Variants in MAST2 observed in about 807,000 individuals in gnomAD.
MAST2 encodes the protein microtubule-associated serine/threonine-protein kinase 2.
In MAST2, 70 loss-of-function variants were observed where a neutral mutation model predicts 147.4. That is an observed-to-expected ratio of 0.47 (90% CI 0.39 to 0.58). MAST2 has a LOEUF of 0.58. Among genes scored for constraint, MAST2 ranks in the 20% least tolerant of loss-of-function variants. The probability of loss-of-function intolerance (pLI) is 0.00; values close to 1 mark genes in which losing one functional copy is unlikely to be tolerated. For synonymous variants in MAST2, 869 were observed against 896.8 expected (o/e 0.97, Z 0.55); for missense variants, 2,080 against 2,302.3 (o/e 0.90, Z 1.98).
At position 45,944,638 on chromosome 1, in the gene MAST2, C is replaced by G. The variant is rs1000856978; in HGVS notation, c.501-14748C>G. Among the ~76,000 whole-genome samples, 4 of 152,200 alleles carry G rather than the reference C, an allele frequency of 2.6e-5. No homozygotes were observed. In the East Asian group the frequency reaches 5.8e-4, roughly 22 times the overall value. On this transcript the variant is annotated intron_variant, in intron 4 of 28. Transcript: ENST00000361297. ...AGATGATTTAATCTCCTAATTTAAT[C>G]TTCTCCCCCACCATACTCCATCCTT...
intron 4 of MAST2, among the ~76,000 whole-genome samples, chr1:45,902,146 G>A (rs1227107465): frequency 6.6e-6 from 1 of 152,052 alleles, no homozygotes; most frequent in Non-Finnish European, 1.5e-5. Context: ...ACTATTTTGA[G>A]GTGTCTTCCT....
intron 3 of MAST2, among the ~76,000 whole-genome samples, chr1:45,862,676 G>A (rs1244842134): frequency 6.6e-6 from 1 of 151,968 alleles, no homozygotes; most frequent in African/African-American, 2.4e-5. Context: ...TGCCTTGTTG[G>A]CCAGGCTGGT....
At chr1:45,898,927 A>T (rs564620665) in intron 4 of MAST2, among the ~76,000 whole-genome samples, 14 of 152,282 alleles carry the variant, frequency 9.2e-5, no homozygotes, top group African/African-American at 2.9e-4. Flanking sequence ...CCTTAGGGCC[A>T]TGCTCCATAT....
chr1:46,024,042 C>G, intron 15 of MAST2, 62 bp downstream of exon 15: 1 of 1,500,780 alleles, frequency 6.7e-7, no homozygotes. Context: ...TAGCCTTAAA[C>G]AGGGACCAGC....
At chr1:45,879,522 G>A (rs1033926975) in intron 3 of MAST2, among the ~76,000 whole-genome samples, 1 of 143,672 alleles carries the variant, frequency 7.0e-6, no homozygotes, top group South Asian at 2.2e-4. Flanking sequence ...GCCGCACGCC[G>A]AGATTGCACC....
chr1:46,014,895 C>T (rs964239978), intron 10 of MAST2, among the ~76,000 whole-genome samples: 1 of 152,156 alleles, frequency 6.6e-6, no homozygotes, highest in African/African-American at 2.4e-5. Flanking sequence ...CCGCATCACA[C>T]CTATTCCAAA....
At chr1:45,836,531 A>G (rs1645105800) in intron 3 of MAST2, among the ~76,000 whole-genome samples, 1 of 152,176 alleles carries the variant, frequency 6.6e-6, no homozygotes, top group Admixed American at 6.6e-5. Context: ...ACGAGTTCAA[A>G]GAGGAAAAAC....
chr1:45,944,469 ATGTC>A (rs1384045625), intron 4 of MAST2, among the ~76,000 whole-genome samples: 11 of 152,158 alleles, frequency 7.2e-5, no homozygotes, highest in Non-Finnish European at 1.3e-4. Context: ...CATTATGATT[ATGTC>A]TGTTTTCTTT....
intron 1 of MAST2, among the ~76,000 whole-genome samples, chr1:45,816,745 A>G (rs1195410923): frequency 6.6e-6 from 1 of 152,068 alleles, no homozygotes; most frequent in Non-Finnish European, 1.5e-5. Flanking sequence ...CAGTGGCGTA[A>G]TGGCTCCCTG....
intron 3 of MAST2, among the ~76,000 whole-genome samples, chr1:45,863,293 G>A (rs939643564): frequency 6.6e-5 from 10 of 152,070 alleles, no homozygotes; most frequent in African/African-American, 9.7e-5. Context: ...TGACTTTAAA[G>A]GCCTATGACT....
chr1:46,008,475 A>G (rs1179192673), intron 9 of MAST2, 104 bp downstream of exon 9: 3 of 728,382 alleles, frequency 4.1e-6, no homozygotes, highest in Non-Finnish European at 7.2e-6. Flanking sequence ...TGCTACCTCC[A>G]GAGATAACCA....
At chr1:45,814,849 T>G (rs1644406267) in intron 1 of MAST2, among the ~76,000 whole-genome samples, 1 of 152,244 alleles carries the variant, frequency 6.6e-6, no homozygotes, top group Non-Finnish European at 1.5e-5. Context: ...ACTGTTCTTT[T>G]ATTTTATTCA....
chr1:45,820,834 C>CTTT (rs59059194), intron 1 of MAST2, among the ~76,000 whole-genome samples: 1 of 102,824 alleles, frequency 9.7e-6, no homozygotes, highest in South Asian at 3.1e-4. Context: ...ACTCTGTCTG[C>CTTT]TTTTTTTTTT....
Position 46,031,630 on chromosome 1 carries a change from T to C in MAST2, c.3187+45T>C. 1.3e-6 allele frequency: 2 copies of C among 1,568,122 alleles called. No individual in the cohort carries two copies. The highest frequency in any genetic ancestry group is 1.7e-6 in the Non-Finnish European group (2 of 1,147,434). ...GGGATAAAACTCACAGGAAGGGCCTTGTAATCTCTAGGCCTTGGGAGGGTT... is the reference window on the plus strand; with the variant it reads ...GGGATAAAACTCACAGGAAGGGCCTCGTAATCTCTAGGCCTTGGGAGGGTT... On this transcript the variant is annotated intron_variant, in intron 24 of 28. Coordinates refer to ENST00000361297, the MANE Select transcript of MAST2 (RefSeq NM_015112.3). The surrounding 1 kb of genome is among the most constrained non-coding windows in gnomAD (Gnocchi z 4.1).
rs754387096 is a variant in MAST2 at position 46,002,818 on chromosome 1, C to T, written c.682C>T (p.Arg228Cys). 7 of 1,614,134 alleles carry T rather than the reference C, an allele frequency of 4.3e-6. No individual in the cohort carries two copies. The highest frequency in any genetic ancestry group is 2.2e-5 in the South Asian group (2 of 91,074). Residue 228 changes from arginine to cysteine, a missense_variant, in exon 7 of 29, where the codon CGC becomes TGC. Coordinates refer to ENST00000361297, the MANE Select transcript of MAST2 (RefSeq NM_015112.3). ...TCTTGCATACAGGACTGATGGGCGG[C>T]GCTGGTCTTTGGCCTCTTTGCCCTC... Reference protein sequence around the residue: ...FVPARRTDGRRWSLASLPSSG... With the variant: ...FVPARRTDGRCWSLASLPSSG...
At chr1:45,830,394 T>C (rs6666501) in intron 3 of MAST2, among the ~76,000 whole-genome samples, 120,490 of 151,332 alleles carry the variant, frequency 0.8, 48,435 homozygotes, top group East Asian at 0.98. Context: ...AGGCTGGTCT[T>C]GAACTCCTGA....
intron 3 of MAST2, among the ~76,000 whole-genome samples, chr1:45,874,040 C>T (rs772327084): frequency 9.2e-5 from 14 of 152,056 alleles, no homozygotes; most frequent in Non-Finnish European, 1.9e-4. Context: ...AGTCTGGTCT[C>T]GAACTCCTGA....
At chr1:45,889,214 C>A (rs1165926837) in intron 4 of MAST2, among the ~76,000 whole-genome samples, 1 of 151,436 alleles carries the variant, frequency 6.6e-6, no homozygotes, top group Non-Finnish European at 1.5e-5. Flanking sequence ...GAAACAGAAT[C>A]TCACTTTGTC....
rs1646798686 is a variant in MAST2 at position 46,034,160 on chromosome 1, C to T, written c.3762C>T (p.Ser1254=). The change falls in exon 28 of 29, where the codon TCC becomes TCT. Residue 1254 remains serine (S), a synonymous_variant. Transcript: ENST00000361297. ...TSRSLSSLNR[S]LSSGESGPGS... is the part of the protein sequence containing the mutation. ...GCAGCCTTTCTTCCCTTAACCGCTC[C>T]TTGTCATCAGGGGAGAGTGGGCCAG... 1 of 1,614,158 alleles carries T rather than the reference C, an allele frequency of 6.2e-7. No individual in the cohort carries two copies. The highest frequency in any genetic ancestry group is 8.5e-7 in the Non-Finnish European group (1 of 1,180,012).
Sources: allele counts gnomAD v4.1 joint callset (sites outside exome capture counted in the v4.1 genomes callset), GRCh38; gene constraint gnomAD v4.1.1; non-coding constraint Gnocchi (gnomAD v3.1); transcripts MANE v1.5; gene names NCBI Gene and HGNC (gene_info 2026-07-23, HGNC 2026-07-21).